TGM5: variants seen among roughly 807,000 people sequenced by gnomAD.
TGM5 encodes protein-glutamine gamma-glutamyltransferase 5.
In TGM5, 69 loss-of-function variants were observed where a neutral mutation model predicts 77.2. The observed-to-expected ratio is 0.89, with a 90% CI of 0.74 to 1.09. The LOEUF is 1.09. TGM5 is among the 50% of genes least tolerant of loss of function. The probability of loss-of-function intolerance (pLI) is 0.00; values close to 1 mark genes in which losing one functional copy is unlikely to be tolerated. For missense variants in TGM5, 842 were observed against 896.5 expected (o/e 0.94, Z 0.78); for synonymous variants, 346 against 351.8 (o/e 0.98, Z 0.18).
intron 4 of TGM5, 71 bp from the exon 5 acceptor site, chr15:43,253,705 TC>T: frequency 1.9e-6 from 3 of 1,585,100 alleles, no homozygotes; most frequent in Non-Finnish European, 2.6e-6. Context: ...AGTAATGACT[TC>T]CCCCCAACCC....
rs2042775532 is a variant in TGM5, at chr15:43,260,282, A to G, written c.206T>C (p.Leu69Pro). ...GAACACAGCCCGAGTCCCCAAGGCC[A>G]GGTCTGGCAGCGGTCCTAGGAGGGA... ...FVVETGPLPD[L>P]ALGTRAVFSL... is the part of the protein sequence containing the mutation. The change falls in exon 3 of 13, where the codon CTG becomes CCG. Residue 69 changes from leucine to proline, a missense_variant. Transcript: ENST00000220420. The G allele has an allele frequency of 1.2e-6, 2 of 1,613,986 alleles. No individual in the cohort carries two copies. The highest frequency in any genetic ancestry group is 1.7e-6 in the Non-Finnish European group (2 of 1,180,008).
chr15:43,253,294 A>C (rs1463031267), intron 5 of TGM5, among the ~76,000 whole-genome samples: 1 of 152,236 alleles, frequency 6.6e-6, no homozygotes, highest in African/African-American at 2.4e-5. Context: ...CTTTCTCAAA[A>C]CATGCAATTT....
intron 6 of TGM5, chr15:43,241,236 G>A: frequency 1.8e-6 from 1 of 558,822 alleles, no homozygotes; most frequent in Non-Finnish European, 3.2e-6. Flanking sequence ...AGCCAGTAAA[G>A]TCTAGCAAGC....
intron 7 of TGM5, 21 bp downstream of exon 7, chr15:43,240,831 G>C: frequency 6.2e-7 from 1 of 1,613,962 alleles, no homozygotes; most frequent in Non-Finnish European, 8.5e-7. Context: ...CCTAGAAATA[G>C]GTTGAGAGGT....
At chr15:43,236,968 C>CAAAA (rs1015479664) in intron 9 of TGM5, among the ~76,000 whole-genome samples, 1 of 61,280 alleles carries the variant, frequency 1.6e-5, no homozygotes, top group African/African-American at 5.6e-5. Context: ...GACTCTGTCT[C>CAAAA]AAAAAAAAAA....
At chr15:43,240,641 C>T (rs2042627788) in intron 7 of TGM5, among the ~76,000 whole-genome samples, 2 of 147,388 alleles carry the variant, frequency 1.4e-5, no homozygotes, top group Admixed American at 1.4e-4. Flanking sequence ...CTTCTAAACC[C>T]CAAATGGGCT....
intron 1 of TGM5, among the ~76,000 whole-genome samples, chr15:43,264,643 G>A (rs548989627): frequency 5.9e-5 from 9 of 152,170 alleles, no homozygotes; most frequent in Non-Finnish European, 1.3e-4. Context: ...CTGCCAATGT[G>A]TATGGGATTT....
intron 7 of TGM5, among the ~76,000 whole-genome samples, 184 bp downstream of exon 7, chr15:43,240,668 C>T (rs1293500005): frequency 1.5e-5 from 2 of 132,184 alleles, no homozygotes; most frequent in African/African-American, 5.8e-5. Context: ...AGATGTCTCC[C>T]AGCTGAAGAT....
rs1209631073 is a variant in TGM5 at position 43,234,923 on chromosome 15, G to T, written c.1721C>A (p.Thr574Asn). The change falls in exon 11 of 13, where the codon ACC becomes AAC. Residue 574 changes from threonine to asparagine, a missense_variant. Physicochemically the swap from Thr to Asn is moderately conservative, Grantham distance 65 (BLOSUM62 0). Around this residue, in one of 2 missense-constraint regions of TGM5, gnomAD observed 815 missense variants for 844.6 expected, o/e 0.96. Transcript: ENST00000220420. ...FITLSPKEAK[T>N]YPCKISYSQY... ...GGAATAGGAGATTTTGCAGGGGTAGGTCTTTGCTAAAGAAAGAACACAAGG... is the reference window on the plus strand; with the variant it reads ...GGAATAGGAGATTTTGCAGGGGTAGTTCTTTGCTAAAGAAAGAACACAAGG... 3.7e-6 allele frequency: 6 copies of T among 1,613,996 alleles called. No homozygotes were observed. In the South Asian group the frequency reaches 5.5e-5, roughly 15 times the overall value.
chr15:43,233,516 G>A, intron 12 of TGM5, 38 bp downstream of exon 12: 1 of 1,613,918 alleles, frequency 6.2e-7, no homozygotes, highest in East Asian at 2.2e-5. Flanking sequence ...ATCTCAGGGG[G>A]GAAAAACAGG....
Position 43,252,962 on chromosome 15 carries a change from G to A in TGM5, c.685-26C>T, listed in dbSNP as rs371813096. On this transcript the variant is annotated intron_variant, in intron 5 of 12. Coordinates refer to ENST00000220420, the MANE Select transcript of TGM5 (RefSeq NM_201631.4). ...CTGAAGAGAAGCCATATAGAGAAGT[G>A]TTAGAAACATCCATTTCCTCAACAT... is the stretch of plus-strand genomic sequence containing the variant. The A allele has an allele frequency of 1.1e-5, 17 of 1,609,926 alleles. No individual in the cohort carries two copies. In the African/African-American group the frequency reaches 2.1e-4, roughly 20 times the overall value.
chr15:43,241,763 A>G (rs1361048665), intron 6 of TGM5, among the ~76,000 whole-genome samples: 1 of 151,912 alleles, frequency 6.6e-6, no homozygotes, highest in Non-Finnish European at 1.5e-5. Context: ...CCCCCTGAGT[A>G]GCTGGGATTA....
intron 6 of TGM5, among the ~76,000 whole-genome samples, chr15:43,242,383 A>G (rs2042642722): frequency 6.6e-6 from 1 of 151,908 alleles, no homozygotes; most frequent in African/African-American, 2.4e-5. Flanking sequence ...ATTATTTTGA[A>G]ACATTTAGTT....
In TGM5 at chr15:43,233,713, A is replaced by G. The variant is rs1343649175; in HGVS notation, c.1876-26T>C. 5 of 1,613,138 alleles carry G rather than the reference A, an allele frequency of 3.1e-6. No individual in the cohort carries two copies. In the African/African-American group the frequency reaches 6.7e-5, roughly 22 times the overall value. On this transcript the variant is annotated intron_variant, in intron 11 of 12. Coordinates refer to ENST00000220420, the MANE Select transcript of TGM5 (RefSeq NM_201631.4). ...CTAAACAGACCAGGAGGGGAAGGAG[A>G]ATTAGTTCTCATTCCCCAACTCACC...
chr15:43,233,836 A>G (rs1284620334), intron 11 of TGM5, 149 bp from the exon 12 acceptor site: 2 of 968,956 alleles, frequency 2.1e-6, no homozygotes, highest in Non-Finnish European at 3.2e-6. Context: ...AAGACAATTG[A>G]GAAGAAGCAG....
intron 6 of TGM5, 147 bp downstream of exon 6, chr15:43,252,612 G>A (rs537714272): frequency 3.4e-5 from 36 of 1,064,174 alleles, no homozygotes; most frequent in Admixed American, 3.0e-4. Flanking sequence ...CACCGTGCCC[G>A]GCCGAGACAT....
chr15:43,238,804 C>G lies in TGM5; in HGVS notation c.1345+13G>C, dbSNP rs746240915. ...GGGCTGGGGCTCTGAGTAGGGCTGG[C>G]TTGCTTACTTACCTTCTTCATACTT... On this transcript the variant is annotated intron_variant, in intron 9 of 12. Transcript: ENST00000220420. The G allele has an allele frequency of 3.1e-6, 5 of 1,613,488 alleles. No individual in the cohort carries two copies. Among genetic ancestry groups the G allele is most frequent in the Admixed American group, 1.7e-5 (1 of 59,978 alleles).
In TGM5 at chr15:43,261,074, G is replaced by GTT. The variant is rs1387299009; in HGVS notation, c.11-496_11-495insAA. The stretch of plus-strand genomic sequence containing the variant: ...AGCTGCTCTTCCTTTTTTTGTGTGT[G>GTT]TGTTTTTTTTTTTTTTTTTTTTTTT... On this transcript the variant is annotated intron_variant, in intron 1 of 12. Coordinates refer to ENST00000220420, the MANE Select transcript of TGM5 (RefSeq NM_201631.4). 3.7e-3 allele frequency among the ~76,000 whole-genome samples: 274 copies of GTT among 73,860 alleles called. 7 individuals carry two copies. The highest frequency in any genetic ancestry group is 6.0e-3 in the Non-Finnish European group (218 of 36,308). 48.5% of individuals were successfully genotyped at this position (73,860 alleles called of 152,430 possible). A position where few individuals can be genotyped will look rare whatever the true frequency, so the allele number is the denominator to read the frequency against.
At chr15:43,243,217 A>C (rs906239490) in intron 6 of TGM5, among the ~76,000 whole-genome samples, 4 of 152,162 alleles carry the variant, frequency 2.6e-5, no homozygotes, top group Non-Finnish European at 5.9e-5. Context: ...CATCTTTATC[A>C]TTACTCAACC....
Sources: gnomAD v4.1 joint callset for allele counts (sites outside exome capture counted in the v4.1 genomes callset) on GRCh38, gnomAD v4.1.1 for gene constraint, gnomAD v4.1.1 regional missense constraint, MANE v1.5 for transcripts, NCBI Gene and HGNC (gene_info 2026-07-23, HGNC 2026-07-21) for gene names.